Variants in ENOX1 observed in about 807,000 individuals in gnomAD.
The protein encoded by ENOX1 is ecto-NOX disulfide-thiol exchanger 1.
ENOX1 carries 42 observed loss-of-function variants against 82.5 expected under a neutral mutation model. The observed-to-expected ratio is 0.51, with a 90% CI of 0.40 to 0.66. The LOEUF (loss-of-function observed/expected upper bound fraction) is 0.66, where lower values mean the gene tolerates loss of function less well. Among genes scored for constraint, ENOX1 ranks in the 30% least tolerant of loss-of-function variants. The pLI is 0.00. For synonymous variants in ENOX1, 271 were observed against 282.2 expected (o/e 0.96, Z 0.40); for missense variants, 608 against 811.6 (o/e 0.75, Z 3.05).
intron 5 of ENOX1, among the ~76,000 whole-genome samples, chr13:43,405,221 C>T (rs975386864): frequency 2.6e-5 from 4 of 152,112 alleles, no homozygotes; most frequent in African/African-American, 9.6e-5. Flanking sequence ...ATCTTGGAGC[C>T]CTGAAATAGT....
chr13:43,582,360 T>C lies in ENOX1; in HGVS notation c.-219+85119A>G, dbSNP rs1370685716. 2.0e-5 allele frequency among the ~76,000 whole-genome samples: 3 copies of C among 151,320 alleles called. No homozygotes were observed. In the East Asian group the frequency reaches 5.8e-4, roughly 29 times the overall value. On this transcript the variant is annotated intron_variant, in intron 2 of 16. Transcript: ENST00000690772. Reference sequence around the variant, plus strand: ...TAAATTAAACATTCCATCCAGGGAGTTAAAGGAAACAAAACTACAGAAAGC... The same window carrying C: ...TAAATTAAACATTCCATCCAGGGAGCTAAAGGAAACAAAACTACAGAAAGC...
intron 2 of ENOX1, among the ~76,000 whole-genome samples, chr13:43,493,764 C>T (rs1445663552): frequency 6.6e-6 from 1 of 152,194 alleles, no homozygotes; most frequent in Non-Finnish European, 1.5e-5. Context: ...TCAGTGCCTA[C>T]TGAAGCACTG....
chr13:43,669,749 G>C (rs2085165823), intron 1 of ENOX1, among the ~76,000 whole-genome samples: 1 of 152,048 alleles, frequency 6.6e-6, no homozygotes, highest in Non-Finnish European at 1.5e-5. Flanking sequence ...TCGACTCCTA[G>C]ACTGTTCCGT....
At chr13:43,575,579 G>A (rs1000722453) in intron 2 of ENOX1, among the ~76,000 whole-genome samples, 1 of 152,122 alleles carries the variant, frequency 6.6e-6, no homozygotes, top group African/African-American at 2.4e-5. Context: ...CTGCCTTCCT[G>A]TTGACCTTAA....
rs2046397363 is a variant in ENOX1, at chr13:43,298,472, C to T, written c.1320G>A (p.Leu440=). The part of the protein sequence containing the change: ...KEENDSLRWQ[L]DAYRNEVELL... ...GCTCCACCTCATTCCTGTAGGCATC[C>T]AGCTGCCAGCGGAGACTGTCATTCT... Residue 440 remains leucine (L), a synonymous_variant, in exon 12 of 17, where the codon CTG becomes CTA. Coordinates refer to ENST00000690772, the MANE Select transcript of ENOX1 (RefSeq NM_001347969.2). 2 of 1,613,914 alleles carry T rather than the reference C, an allele frequency of 1.2e-6. No individual in the cohort carries two copies. Among genetic ancestry groups the T allele is most frequent in the East Asian group, 2.2e-5 (1 of 44,894 alleles).
At chr13:43,235,184 T>C (rs939862193) in intron 15 of ENOX1, among the ~76,000 whole-genome samples, 13 of 152,220 alleles carry the variant, frequency 8.5e-5, no homozygotes, top group Admixed American at 5.9e-4. Flanking sequence ...CTGGAACTGA[T>C]AGCACATCAG....
intron 1 of ENOX1, among the ~76,000 whole-genome samples, chr13:43,769,647 A>G (rs1469235790): frequency 6.6e-6 from 1 of 152,190 alleles, no homozygotes; most frequent in Non-Finnish European, 1.5e-5. Flanking sequence ...CAAATAGTCT[A>G]TCTCTAGGCC....
chr13:43,562,031 G>C (rs1198235757), intron 2 of ENOX1, among the ~76,000 whole-genome samples: 1 of 151,530 alleles, frequency 6.6e-6, no homozygotes, highest in East Asian at 2.0e-4. Flanking sequence ...GATGGAGAGA[G>C]GGAAATGCAG....
At chr13:43,335,248 T>C (rs1477770126) in intron 9 of ENOX1, among the ~76,000 whole-genome samples, 2 of 152,218 alleles carry the variant, frequency 1.3e-5, no homozygotes, top group Non-Finnish European at 2.9e-5. Context: ...TGGCTACTCT[T>C]CCATGATTCT....
At chr13:43,356,579 G>A (rs927554251) in intron 7 of ENOX1, among the ~76,000 whole-genome samples, 2 of 151,988 alleles carry the variant, frequency 1.3e-5, no homozygotes, top group African/African-American at 2.4e-5. Context: ...TAATTCTACT[G>A]TATAGGTGAA....
At chr13:43,704,271 T>C (rs2087099831) in intron 1 of ENOX1, among the ~76,000 whole-genome samples, 1 of 152,128 alleles carries the variant, frequency 6.6e-6, no homozygotes, top group African/African-American at 2.4e-5. Flanking sequence ...TGTAACAGTA[T>C]TTAAAGTCAT....
At chr13:43,346,690 C>T (rs920127314) in intron 8 of ENOX1, among the ~76,000 whole-genome samples, 2 of 152,168 alleles carry the variant, frequency 1.3e-5, no homozygotes, top group South Asian at 2.1e-4. Context: ...CTTAACATTA[C>T]GTTCAGCCCA....
At chr13:43,742,069 A>T (rs1237919133) in intron 1 of ENOX1, among the ~76,000 whole-genome samples, 1 of 152,214 alleles carries the variant, frequency 6.6e-6, no homozygotes, top group Non-Finnish European at 1.5e-5. Context: ...CTATAGTCAT[A>T]TTAAGAATAG....
intron 3 of ENOX1, among the ~76,000 whole-genome samples, chr13:43,468,800 G>GT (rs554548054): frequency 3.2e-4 from 49 of 152,240 alleles, no homozygotes; most frequent in African/African-American, 1.2e-3. Flanking sequence ...ATGCTTTGCA[G>GT]TTTTCAGCGT....
chr13:43,585,688 C>T (rs1226394567), intron 2 of ENOX1, among the ~76,000 whole-genome samples: 2 of 152,218 alleles, frequency 1.3e-5, no homozygotes, highest in Non-Finnish European at 2.9e-5. Flanking sequence ...AGTGATTCTC[C>T]TGCCTCAGCC....
At chr13:43,289,683 A>C (rs892387877) in intron 12 of ENOX1, among the ~76,000 whole-genome samples, 1 of 152,212 alleles carries the variant, frequency 6.6e-6, no homozygotes, top group Non-Finnish European at 1.5e-5. Context: ...TTTTTGGCTG[A>C]GTCCCCAAAA....
At chr13:43,387,637 C>A (rs1016834954) in intron 5 of ENOX1, among the ~76,000 whole-genome samples, 1 of 151,972 alleles carries the variant, frequency 6.6e-6, no homozygotes, top group African/African-American at 2.4e-5. Flanking sequence ...GTTTAAAAAT[C>A]TCTGTAGTTT....
chr13:43,708,398 A>C (rs2087463571), intron 1 of ENOX1, among the ~76,000 whole-genome samples: 1 of 152,134 alleles, frequency 6.6e-6, no homozygotes, highest in South Asian at 2.1e-4. Context: ...GTGCACTTGA[A>C]TCTCTCAAGT....
intron 5 of ENOX1, among the ~76,000 whole-genome samples, chr13:43,408,788 A>G (rs1386456211): frequency 6.6e-6 from 1 of 152,210 alleles, no homozygotes; most frequent in African/African-American, 2.4e-5. Flanking sequence ...AAAAATATGC[A>G]TAAGAATTTA....
Sources: gnomAD v4.1 joint callset for allele counts (sites outside exome capture counted in the v4.1 genomes callset) on GRCh38, gnomAD v4.1.1 for gene constraint, MANE v1.5 for transcripts, NCBI Gene and HGNC (gene_info 2026-07-23, HGNC 2026-07-21) for gene names.